Variants in RAPGEF6 observed in about 807,000 individuals in gnomAD.
The protein encoded by RAPGEF6 is Rap guanine nucleotide exchange factor 6.
In RAPGEF6, 56 loss-of-function variants were observed where a neutral mutation model predicts 171.4. That is an observed-to-expected ratio of 0.33 (90% CI 0.26 to 0.41). RAPGEF6 has a LOEUF of 0.41. Ranked by LOEUF, RAPGEF6 falls within the 10% of genes least tolerant of loss-of-function variation. The pLI, the probability that RAPGEF6 is intolerant of heterozygous loss-of-function variation, is 1.00. For synonymous variants in RAPGEF6, 692 were observed against 650.1 expected (o/e 1.06, Z -0.98); for missense variants, 1,674 against 1,921.4 (o/e 0.87, Z 2.41).
intron 6 of RAPGEF6, among the ~76,000 whole-genome samples, chr5:131,536,182 G>A (rs1002146598): frequency 2.6e-5 from 4 of 152,156 alleles, no homozygotes; most frequent in African/African-American, 9.7e-5. Flanking sequence ...AACTTAAATT[G>A]TACTGATTTA....
In RAPGEF6 at chr5:131,446,663, C is replaced by T. The variant is rs371503810; in HGVS notation, c.3241G>A (p.Val1081Ile). Residue 1081 changes from valine (V) to isoleucine (I), a missense_variant, in exon 22 of 28, where the codon GTT becomes ATT. Val to Ile is a conservative substitution (Grantham distance 29). Coordinates refer to ENST00000509018, the MANE Select transcript of RAPGEF6 (RefSeq NM_016340.6). ...CTTTTTTTGTGAGCACCTCCCTGAA[C>T]ATCCAGCATGTTTGAATTTGTGCTT... Reference protein sequence around the residue: ...QGSTNSNMLDVQGGAHKKRAR... With the variant: ...QGSTNSNMLDIQGGAHKKRAR... The T allele has an allele frequency of 1.9e-6, 3 of 1,614,178 alleles. 1 individual carries two copies. In the Admixed American group the frequency reaches 5.0e-5, roughly 27 times the overall value.
At chr5:131,470,003 A>G (rs2149844658) in intron 17 of RAPGEF6, among the ~76,000 whole-genome samples, 1 of 152,328 alleles carries the variant, frequency 6.6e-6, no homozygotes, top group Non-Finnish European at 1.5e-5. Context: ...TAATATACAT[A>G]TGTGATGTAC....
intron 6 of RAPGEF6, among the ~76,000 whole-genome samples, chr5:131,540,163 G>A (rs866515448): frequency 5.8e-4 from 89 of 152,148 alleles, no homozygotes; most frequent in African/African-American, 2.1e-3. Flanking sequence ...AAGCAACACA[G>A]AGAACAAGAA....
intron 5 of RAPGEF6, among the ~76,000 whole-genome samples, chr5:131,552,206 T>G (rs1760964961): frequency 6.6e-6 from 1 of 151,706 alleles, no homozygotes; most frequent in African/African-American, 2.4e-5. Context: ...AGCTACACCC[T>G]CATTACAAGG....
At chr5:131,492,536 A>T (rs766523708) in intron 14 of RAPGEF6, 46 bp downstream of exon 14, 43 of 1,568,928 alleles carry the variant, frequency 2.7e-5, no homozygotes, top group Non-Finnish European at 3.8e-5. Flanking sequence ...AGCAGGCATA[A>T]TACTTTTAAG....
At chr5:131,503,436 G>A (rs1757150997) in intron 11 of RAPGEF6, among the ~76,000 whole-genome samples, 1 of 152,162 alleles carries the variant, frequency 6.6e-6, no homozygotes, top group Non-Finnish European at 1.5e-5. Context: ...ATATGTGTAA[G>A]CCTATGGCAT....
chr5:131,437,564 G>A (rs1752092942), intron 24 of RAPGEF6, among the ~76,000 whole-genome samples: 1 of 152,186 alleles, frequency 6.6e-6, no homozygotes, highest in South Asian at 2.1e-4. Flanking sequence ...GGTAAGGGGC[G>A]CATTGGATAG....
chr5:131,539,176 T>G lies in RAPGEF6; in HGVS notation c.495+8871A>C, dbSNP rs529742459. ...TATATACAAATAAGATTATCAAAGA[T>G]CCCATTTGCAAACTTCCTGAGTTTA... On this transcript the variant is annotated intron_variant, in intron 6 of 27. Coordinates refer to ENST00000509018, the MANE Select transcript of RAPGEF6 (RefSeq NM_016340.6). Among the ~76,000 whole-genome samples the G allele has an allele frequency of 2.1e-3, 322 of 152,300 alleles. 2 individuals carry two copies. The highest frequency in any genetic ancestry group is 7.5e-3 in the African/African-American group (313 of 41,554).
rs772999324 is a variant in RAPGEF6, at chr5:131,512,375, T to TTC, written c.628-1885_628-1884insGA. On this transcript the variant is annotated intron_variant, in intron 7 of 27. Coordinates refer to ENST00000509018, the MANE Select transcript of RAPGEF6 (RefSeq NM_016340.6). ...TTTTGGCTTTACATTTTTTTTCTTC[T>TTC]TTTTTTTTTTTTTAAAGACAGGGTT... 2.7e-3 allele frequency among the ~76,000 whole-genome samples: 357 copies of TTC among 129,868 alleles called. 1 individual carries two copies. Among genetic ancestry groups the TTC allele is most frequent in the Middle Eastern group, 4.0e-3 (1 of 252 alleles). 85.2% of individuals were successfully genotyped at this position (129,868 alleles called of 152,430 possible).
intron 6 of RAPGEF6, chr5:131,532,229 A>G (rs1759437187): frequency 2.5e-6 from 1 of 393,154 alleles, no homozygotes; most frequent in African/African-American, 2.1e-5. Context: ...AATTCTGTTA[A>G]GTTTCTTTTT....
intron 16 of RAPGEF6, among the ~76,000 whole-genome samples, chr5:131,477,062 A>AT (rs537622593): frequency 1.7e-4 from 25 of 151,488 alleles, no homozygotes; most frequent in South Asian, 8.4e-4. Flanking sequence ...AGTTTTAGTG[A>AT]TTTTTTTTTC....
chr5:131,577,145 A>T (rs1479414637), intron 4 of RAPGEF6, among the ~76,000 whole-genome samples: 1 of 152,196 alleles, frequency 6.6e-6, no homozygotes, highest in Non-Finnish European at 1.5e-5. Context: ...CCTGTCAGAC[A>T]TAATTCCTCA....
At chr5:131,621,676 T>C (rs372068546) in intron 1 of RAPGEF6, among the ~76,000 whole-genome samples, 7 of 152,186 alleles carry the variant, frequency 4.6e-5, no homozygotes, top group Non-Finnish European at 1.0e-4. Context: ...CTATACTGTA[T>C]TGTTTAGGGA....
At chr5:131,524,609 TGAGAGAGAGAGAGA>T (rs55956395) in intron 6 of RAPGEF6, among the ~76,000 whole-genome samples, 35 of 134,988 alleles carry the variant, frequency 2.6e-4, no homozygotes, top group South Asian at 2.1e-3. Context: ...AGAGAGAGAT[TGAGAGAGAGAGAGA>T]GAGAGAGAGA....
Position 131,495,393 on chromosome 5 carries a change from G to A in RAPGEF6, c.1527+160C>T, listed in dbSNP as rs142797640. On this transcript the variant is annotated intron_variant, in intron 13 of 27. Transcript: ENST00000509018. ...TGTAAATGTTGTTTTAATTGAGGTG[G>A]CAGAGAATAAATGAACAAAAGTCTA... is the stretch of plus-strand genomic sequence containing the variant. Among the ~76,000 whole-genome samples, 486 of 152,144 alleles carry A rather than the reference G, an allele frequency of 3.2e-3. 3 individuals are homozygous for A. Among genetic ancestry groups the A allele is most frequent in the African/African-American group, 0.011 (462 of 41,536 alleles).
chr5:131,540,942 T>C (rs187820143), intron 6 of RAPGEF6, among the ~76,000 whole-genome samples: 39 of 152,304 alleles, frequency 2.6e-4, no homozygotes, highest in Middle Eastern at 3.4e-3. Flanking sequence ...GATCGCACCA[T>C]TGCACTCCAG....
At chr5:131,572,504 T>C (rs537999464) in intron 4 of RAPGEF6, among the ~76,000 whole-genome samples, 2 of 152,312 alleles carry the variant, frequency 1.3e-5, no homozygotes, top group South Asian at 4.1e-4. Flanking sequence ...CCTTGGTGTC[T>C]GATCACCACA....
chr5:131,630,069 T>A (rs143558070), intron 1 of RAPGEF6, among the ~76,000 whole-genome samples: 113 of 152,310 alleles, frequency 7.4e-4, no homozygotes, highest in South Asian at 6.2e-3. Flanking sequence ...TCAAACAGCA[T>A]CACATGCTAA....
intron 19 of RAPGEF6, 54 bp from the exon 20 acceptor site, chr5:131,456,066 C>T: frequency 1.4e-6 from 2 of 1,386,720 alleles, no homozygotes; most frequent in South Asian, 1.2e-5. Flanking sequence ...AAGGGGTGGA[C>T]TCAGGTCAGC....
Sources: gnomAD v4.1 joint callset for allele counts (sites outside exome capture counted in the v4.1 genomes callset) on GRCh38, gnomAD v4.1.1 for gene constraint, MANE v1.5 for transcripts, NCBI Gene and HGNC (gene_info 2026-07-23, HGNC 2026-07-21) for gene names.